NCOA2: variants seen among roughly 807,000 people sequenced by gnomAD.
NCOA2 encodes the protein class E basic helix-loop-helix protein 75.
Under a neutral mutation model 145.1 loss-of-function variants are expected in NCOA2, and 21 were observed. The observed-to-expected ratio is 0.14, with a 90% CI of 0.10 to 0.21. The LOEUF is 0.21. Among genes scored for constraint, NCOA2 ranks in the 10% least tolerant of loss-of-function variants. The pLI is 1.00. For synonymous variants in NCOA2, 619 were observed against 637.5 expected, an observed-to-expected ratio of 0.97 and a Z score of 0.44; for missense variants, 1,472 against 1,837.6, an observed-to-expected ratio of 0.80 and a Z score of 3.64.
chr8:70,381,184 CATTATT>C (rs112989473), intron 1 of NCOA2, among the ~76,000 whole-genome samples: 5 of 151,856 alleles, frequency 3.3e-5, no homozygotes, highest in African/African-American at 1.2e-4. Context: ...GCGTTCATTA[CATTATT>C]ATTATTAAAC....
chr8:70,408,135 A>G (rs991870663), upstream of NCOA2, among the ~76,000 whole-genome samples: 8 of 152,200 alleles, frequency 5.3e-5, no homozygotes, highest in Non-Finnish European at 1.0e-4. Context: ...ATGAGTTTCA[A>G]TCTTGGCTCT....
intron 2 of NCOA2, among the ~76,000 whole-genome samples, chr8:70,254,175 A>G (rs1823434224): frequency 6.6e-6 from 1 of 152,242 alleles, no homozygotes; most frequent in Non-Finnish European, 1.5e-5. Flanking sequence ...GGAAATGCAA[A>G]TAAGAAGCAC....
chr8:70,236,031 A>G (rs1463600979), intron 2 of NCOA2, among the ~76,000 whole-genome samples: 4 of 152,100 alleles, frequency 2.6e-5, no homozygotes, highest in African/African-American at 9.7e-5. Context: ...ACTACTCAGA[A>G]AATTAAACAC....
At chr8:70,362,466 T>A (rs1211246983) in intron 1 of NCOA2, among the ~76,000 whole-genome samples, 2 of 151,954 alleles carry the variant, frequency 1.3e-5, no homozygotes, top group Non-Finnish European at 2.9e-5. Flanking sequence ...AAAACTCAAT[T>A]AAAAAAAGGT....
At chr8:70,346,267 G>A (rs962552123) in intron 1 of NCOA2, among the ~76,000 whole-genome samples, 4 of 152,190 alleles carry the variant, frequency 2.6e-5, no homozygotes, top group Admixed American at 1.3e-4. Context: ...CCAAGCCACC[G>A]AACCTGCTAT....
chr8:70,186,431 T>C (rs2133125521), intron 4 of NCOA2, among the ~76,000 whole-genome samples: 1 of 152,250 alleles, frequency 6.6e-6, no homozygotes. Context: ...AACTCGGCAC[T>C]ACCAAGGCCC....
chr8:70,391,983 G>C (rs186317459), intron 1 of NCOA2, among the ~76,000 whole-genome samples: 160 of 152,278 alleles, frequency 1.1e-3, no homozygotes, highest in Non-Finnish European at 1.9e-3. Context: ...ACTTTGAAAT[G>C]GTTTATCCAA....
intron 2 of NCOA2, among the ~76,000 whole-genome samples, chr8:70,223,569 C>T (rs1160618972): frequency 1.3e-5 from 2 of 152,106 alleles, no homozygotes; most frequent in African/African-American, 2.4e-5. Flanking sequence ...CTAACCTCTC[C>T]GACCTGTTTC....
chr8:70,331,639 T>A (rs1807112200), intron 1 of NCOA2, among the ~76,000 whole-genome samples: 1 of 152,180 alleles, frequency 6.6e-6, no homozygotes, highest in South Asian at 2.1e-4. Context: ...TTAAACTGCA[T>A]ACGACCAGAG....
intron 4 of NCOA2, among the ~76,000 whole-genome samples, chr8:70,188,625 T>C (rs1257951422): frequency 6.6e-6 from 1 of 152,108 alleles, no homozygotes; most frequent in Non-Finnish European, 1.5e-5. Flanking sequence ...AAATAAAAAC[T>C]AGCTTAAATA....
chr8:70,317,288 G>A (rs919816603), intron 1 of NCOA2, among the ~76,000 whole-genome samples: 3 of 152,148 alleles, frequency 2.0e-5, no homozygotes, highest in Non-Finnish European at 4.4e-5. Context: ...CTTGACTGGT[G>A]GACCTGGTTC....
chr8:70,191,121 C>T (rs1368371264), intron 4 of NCOA2, among the ~76,000 whole-genome samples: 1 of 152,188 alleles, frequency 6.6e-6, no homozygotes, highest in East Asian at 1.9e-4. Flanking sequence ...ACTTCTCCCA[C>T]TCTCACTCCA....
the NCOA2 span, among the ~76,000 whole-genome samples, chr8:70,433,168 T>G: frequency 6.6e-6 from 1 of 152,232 alleles, no homozygotes; most frequent in Admixed American, 6.5e-5. Flanking sequence ...TAAGAAATAC[T>G]GTGGTCTCAT....
At chr8:70,388,628 T>C (rs1430499252) in intron 1 of NCOA2, among the ~76,000 whole-genome samples, 2 of 152,216 alleles carry the variant, frequency 1.3e-5, no homozygotes, top group African/African-American at 4.8e-5. Context: ...TGTATACTAG[T>C]GTCTGCAATA....
chr8:70,442,782 G>T, the NCOA2 span, among the ~76,000 whole-genome samples: 3 of 152,188 alleles, frequency 2.0e-5, no homozygotes, highest in Admixed American at 6.5e-5. Flanking sequence ...TCCCCAGGTC[G>T]CTTCTGCTGG....
At chr8:70,144,990 CA>C (rs1810863612) in intron 12 of NCOA2, 142 bp from the exon 13 acceptor site, 1 of 702,148 alleles carries the variant, frequency 1.4e-6, no homozygotes, top group Non-Finnish European at 2.4e-6. Flanking sequence ...GACAAAATCA[CA>C]GACAAAAAAC....
At chr8:70,425,958 G>A in the NCOA2 span, among the ~76,000 whole-genome samples, 2 of 152,160 alleles carry the variant, frequency 1.3e-5, no homozygotes, top group African/African-American at 4.8e-5. Context: ...GATGGAATGT[G>A]AATGGAACTG....
At chr8:70,288,213 A>T (rs1297337349) in intron 2 of NCOA2, among the ~76,000 whole-genome samples, 1 of 152,214 alleles carries the variant, frequency 6.6e-6, no homozygotes, top group African/African-American at 2.4e-5. Context: ...ATTATAAATG[A>T]TCTTTCAGTT....
At chr8:70,415,119 A>G in the NCOA2 span, among the ~76,000 whole-genome samples, 1 of 151,974 alleles carries the variant, frequency 6.6e-6, no homozygotes, top group Non-Finnish European at 1.5e-5. Context: ...CCTGGGCAAC[A>G]TGGCAAGGCC....
Sources: allele counts gnomAD v4.1 joint callset (sites outside exome capture counted in the v4.1 genomes callset), GRCh38; gene constraint gnomAD v4.1.1; transcripts MANE v1.5; gene names NCBI Gene and HGNC (gene_info 2026-07-23, HGNC 2026-07-21).